SRBD1: variants seen among roughly 807,000 people sequenced by gnomAD.
SRBD1 encodes S1 RNA binding domain 1, also known as S1 RNA-binding domain-containing protein 1.
A neutral mutation model predicts 115.3 loss-of-function variants in SRBD1; 88 were observed. That is an observed-to-expected ratio of 0.76 (90% CI 0.64 to 0.91). SRBD1 has a LOEUF of 0.91. Among genes scored for constraint, SRBD1 ranks in the 40% least tolerant of loss-of-function variants. SRBD1 has a pLI of 0.00. For synonymous variants in SRBD1, 509 were observed against 407.7 expected, an observed-to-expected ratio of 1.25 and a Z score of -2.99; for missense variants, 1,385 against 1,177.4, an observed-to-expected ratio of 1.18 and a Z score of -2.58.
At chr2:45,537,981 T>C (rs17394499) in intron 14 of SRBD1, among the ~76,000 whole-genome samples, 6,262 of 152,180 alleles carry the variant, frequency 0.041, 158 homozygotes, top group Middle Eastern at 0.071. Context: ...TTGATACCCA[T>C]TGGAGAGCAG....
At chr2:45,568,185 T>A (rs1447820532) in intron 9 of SRBD1, among the ~76,000 whole-genome samples, 2 of 152,156 alleles carry the variant, frequency 1.3e-5, no homozygotes, top group South Asian at 2.1e-4. Context: ...TACAAATTCA[T>A]GTGGTAGAAA....
intron 14 of SRBD1, among the ~76,000 whole-genome samples, chr2:45,520,039 A>C (rs183844058): frequency 9.2e-5 from 14 of 152,316 alleles, no homozygotes; most frequent in Admixed American, 9.2e-4. Flanking sequence ...TATCCTTAGA[A>C]AAAATACATT....
chr2:45,432,115 C>T (rs1272105596), intron 16 of SRBD1, among the ~76,000 whole-genome samples: 5 of 151,956 alleles, frequency 3.3e-5, no homozygotes, highest in African/African-American at 9.7e-5. Context: ...CAACAACCTC[C>T]GCCTCCCAGG....
intron 16 of SRBD1, among the ~76,000 whole-genome samples, chr2:45,454,792 T>G (rs1163863345): frequency 6.6e-6 from 1 of 151,882 alleles, no homozygotes; most frequent in African/African-American, 2.4e-5. Context: ...TGAACATTGT[T>G]ATATCTTAAC....
At chr2:45,496,959 T>C (rs954754615) in intron 14 of SRBD1, among the ~76,000 whole-genome samples, 2 of 152,212 alleles carry the variant, frequency 1.3e-5, no homozygotes, top group African/African-American at 4.8e-5. Context: ...TCAGCCTCTT[T>C]TCTAATCATA....
chr2:45,450,447 T>G (rs1161497950), intron 16 of SRBD1, among the ~76,000 whole-genome samples: 1 of 152,162 alleles, frequency 6.6e-6, no homozygotes, highest in Non-Finnish European at 1.5e-5. Flanking sequence ...ACAGCTTTAG[T>G]AGTAACATGT....
Position 45,553,652 on chromosome 2 carries a change from A to G in SRBD1, c.1488T>C (p.Leu496=). ...ATTCTCTACAGAGAAGAGGATAAAT[A>G]AGGCGTTTAAAGGAATCATTCAGTG... The part of the protein sequence containing the change: ...YNSLNDSFKR[L]IYPLLCREFR... The change falls in exon 11 of 21, where the codon CTT becomes CTC. Residue 496 remains leucine, a synonymous_variant. Transcript: ENST00000263736. The G allele has an allele frequency of 6.2e-7, 1 of 1,604,920 alleles. No individual in the cohort carries two copies. The highest frequency in any genetic ancestry group is 8.5e-7 in the Non-Finnish European group (1 of 1,176,408).
intron 4 of SRBD1, among the ~76,000 whole-genome samples, chr2:45,587,772 T>C (rs1483446829): frequency 6.6e-6 from 1 of 152,224 alleles, no homozygotes; most frequent in East Asian, 1.9e-4. Flanking sequence ...CACATTTCTA[T>C]CCCTGACTCT....
chr2:45,464,600 C>T (rs1369827729), intron 16 of SRBD1, among the ~76,000 whole-genome samples: 4 of 152,182 alleles, frequency 2.6e-5, no homozygotes, highest in Non-Finnish European at 5.9e-5. Flanking sequence ...ATTCTGGTCA[C>T]TACCTCAGCT....
chr2:45,535,174 G>C (rs1671727916), intron 14 of SRBD1, among the ~76,000 whole-genome samples: 1 of 151,910 alleles, frequency 6.6e-6, no homozygotes, highest in African/African-American at 2.4e-5. Context: ...GCACACTAGA[G>C]ACCTCAAACC....
chr2:45,441,614 T>C lies in SRBD1; in HGVS notation c.2050-21720A>G, dbSNP rs1398159718. On this transcript the variant is annotated intron_variant, in intron 16 of 20. Coordinates refer to ENST00000263736, the MANE Select transcript of SRBD1 (RefSeq NM_018079.5). ...TAGTACATAGTAGCTACTCAATAAA[T>C]TGGGTAAAGGAAGGAAAAACCAGGG... Among the ~76,000 whole-genome samples the C allele has an allele frequency of 5.3e-5, 8 of 152,158 alleles. No homozygotes were observed. The East Asian group carries it at 1.5e-3, about 29-fold the overall frequency.
intron 16 of SRBD1, among the ~76,000 whole-genome samples, chr2:45,440,270 C>T (rs1572643337): frequency 6.6e-6 from 1 of 151,978 alleles, no homozygotes; most frequent in Non-Finnish European, 1.5e-5. Flanking sequence ...ATCTAAGAGT[C>T]CTGTGTTTAA....
At chr2:45,426,015 G>A (rs1224891651) in intron 16 of SRBD1, among the ~76,000 whole-genome samples, 3 of 151,842 alleles carry the variant, frequency 2.0e-5, no homozygotes, top group Non-Finnish European at 4.4e-5. Context: ...TCACTCTCCT[G>A]GAAAGGGGGC....
intron 10 of SRBD1, among the ~76,000 whole-genome samples, chr2:45,558,842 C>A (rs1400438267): frequency 1.3e-5 from 2 of 152,050 alleles, no homozygotes; most frequent in Non-Finnish European, 2.9e-5. Context: ...CACGCATGCA[C>A]CACCATGCCT....
intron 4 of SRBD1, among the ~76,000 whole-genome samples, chr2:45,592,052 G>C (rs962368346): frequency 1.3e-5 from 2 of 152,154 alleles, no homozygotes; most frequent in Admixed American, 1.3e-4. Context: ...TCTTGCGATA[G>C]TGAATAAGTC....
chr2:45,579,123 C>T (rs1673268379), intron 7 of SRBD1, among the ~76,000 whole-genome samples: 1 of 152,180 alleles, frequency 6.6e-6, no homozygotes, highest in Non-Finnish European at 1.5e-5. Flanking sequence ...CTCTAAGACT[C>T]ATTTTTACAA....
chr2:45,494,209 C>T (rs1670387211), intron 14 of SRBD1, among the ~76,000 whole-genome samples: 1 of 151,982 alleles, frequency 6.6e-6, no homozygotes, highest in African/African-American at 2.4e-5. Context: ...AAAAAGCAGG[C>T]TTATGTAATA....
intron 16 of SRBD1, among the ~76,000 whole-genome samples, chr2:45,472,096 T>C (rs558491054): frequency 6.6e-6 from 1 of 152,152 alleles, no homozygotes; most frequent in South Asian, 2.1e-4. Context: ...AACTGATGAA[T>C]GAACAAAATA....
At chr2:45,513,084 A>G (rs767055255) in intron 14 of SRBD1, among the ~76,000 whole-genome samples, 7 of 152,114 alleles carry the variant, frequency 4.6e-5, no homozygotes, top group African/African-American at 7.2e-5. Context: ...CCCCTGAGCT[A>G]TATACCCCCA....
Sources: allele counts gnomAD v4.1 joint callset (sites outside exome capture counted in the v4.1 genomes callset), GRCh38; gene constraint gnomAD v4.1.1; transcripts MANE v1.5; gene names NCBI Gene and HGNC (gene_info 2026-07-23, HGNC 2026-07-21).